The following GALNT16 variants were observed in gnomAD, a reference collection of about 807,000 sequenced individuals.
GALNT16 encodes polypeptide N-acetylgalactosaminyltransferase 16, also known as UDP-GalNAc:polypeptide N-acetylgalactosaminyltransferase-like protein 1.
In GALNT16, 40 loss-of-function variants were observed where a neutral mutation model predicts 76.1. The observed-to-expected ratio is 0.53, with a 90% confidence interval of 0.41 to 0.68. The LOEUF (loss-of-function observed/expected upper bound fraction) is 0.68. Among genes scored for constraint, GALNT16 ranks in the 30% least tolerant of loss-of-function variants. The pLI is 0.00. For missense variants in GALNT16, 621 were observed against 731.9 expected, an observed-to-expected ratio of 0.85 and a Z score of 1.75; for synonymous variants, 276 against 285.2, an observed-to-expected ratio of 0.97 and a Z score of 0.32.
chr14:69,338,981 G>C (rs1366335727), intron 10 of GALNT16, among the ~76,000 whole-genome samples: 1 of 151,942 alleles, frequency 6.6e-6, no homozygotes, highest in Admixed American at 6.5e-5. Context: ...CTCTTGCCTT[G>C]AGACTCATAT....
chr14:69,376,706 G>A, the GALNT16 span, among the ~76,000 whole-genome samples: 1 of 152,056 alleles, frequency 6.6e-6, no homozygotes, highest in South Asian at 2.1e-4. Context: ...TGTTCCTGAG[G>A]AAACACAATG....
At chr14:69,381,674 C>A in the GALNT16 span, among the ~76,000 whole-genome samples, 138 of 152,060 alleles carry the variant, frequency 9.1e-4, no homozygotes, top group African/African-American at 3.3e-3. Flanking sequence ...CCTCACTTCC[C>A]ACCACCCCCA....
At chr14:69,323,612 C>T (rs1327437404) in intron 2 of GALNT16, among the ~76,000 whole-genome samples, 1 of 152,178 alleles carries the variant, frequency 6.6e-6, no homozygotes, top group African/African-American at 2.4e-5. Flanking sequence ...AATTCATAGG[C>T]CCTTGAACAG....
intron 1 of GALNT16, among the ~76,000 whole-genome samples, chr14:69,290,774 C>T (rs1300022541): frequency 6.6e-6 from 1 of 152,066 alleles, no homozygotes; most frequent in Non-Finnish European, 1.5e-5. Flanking sequence ...ATGAGTGTGG[C>T]GAATGGAAAT....
chr14:69,367,837 T>G, the GALNT16 span, among the ~76,000 whole-genome samples: 1 of 151,466 alleles, frequency 6.6e-6, no homozygotes, highest in South Asian at 2.1e-4. Flanking sequence ...AAATAAAAAA[T>G]TAAATATTAG....
intron 1 of GALNT16, among the ~76,000 whole-genome samples, chr14:69,310,343 A>C (rs2044999345): frequency 6.6e-6 from 1 of 152,010 alleles, no homozygotes; most frequent in Non-Finnish European, 1.5e-5. Flanking sequence ...CTTCCAGCTG[A>C]ATCTCCCTTC....
intron 12 of GALNT16, 39 bp from the exon 13 acceptor site, chr14:69,347,001 G>T (rs200433944): frequency 1.4e-5 from 22 of 1,613,420 alleles, no homozygotes; most frequent in South Asian, 1.3e-4. Context: ...TAAGCCTTGG[G>T]GGGGAAAGCA....
intron 1 of GALNT16, among the ~76,000 whole-genome samples, chr14:69,279,211 C>T (rs759970005): frequency 2.2e-4 from 34 of 152,140 alleles, no homozygotes; most frequent in South Asian, 8.3e-4. Flanking sequence ...AGATTACAGG[C>T]GTGAGCCACC....
intron 2 of GALNT16, 75 bp downstream of exon 2, chr14:69,320,943 C>T (rs972243643): frequency 1.5e-5 from 21 of 1,377,682 alleles, no homozygotes; most frequent in African/African-American, 4.3e-5. Flanking sequence ...TCTTCTTTTA[C>T]GTGTATCTAA....
chr14:69,374,655 G>A, the GALNT16 span, among the ~76,000 whole-genome samples: 2 of 152,180 alleles, frequency 1.3e-5, no homozygotes, highest in African/African-American at 4.8e-5. Flanking sequence ...GGAATATCCC[G>A]AGGTTTTTAA....
In GALNT16 at chr14:69,327,572, G is replaced by A. The variant is rs75029679; in HGVS notation, c.569-878G>A. On this transcript the variant is annotated intron_variant, in intron 5 of 14. Coordinates refer to ENST00000448469, the MANE Select transcript of GALNT16 (RefSeq NM_001168368.2). Reference sequence around the variant, plus strand: ...TCGATGCTTTGTAGACACTTTTGGAGTGGAGATTGATGGGCTTTTGGCTGG... The same window carrying A: ...TCGATGCTTTGTAGACACTTTTGGAATGGAGATTGATGGGCTTTTGGCTGG... Among the ~76,000 whole-genome samples, 1,177 of 152,346 alleles carry A rather than the reference G, an allele frequency of 7.7e-3. 8 individuals carry two copies. Among genetic ancestry groups the A allele is most frequent in the Non-Finnish European group, 0.014 (919 of 68,018 alleles).
intron 1 of GALNT16, among the ~76,000 whole-genome samples, chr14:69,288,985 C>T (rs994792277): frequency 1.1e-4 from 16 of 152,142 alleles, no homozygotes; most frequent in African/African-American, 3.9e-4. Context: ...TCAAGTGATC[C>T]TCCTGCCTCA....
the GALNT16 span, among the ~76,000 whole-genome samples, chr14:69,371,038 A>G: frequency 6.6e-6 from 1 of 152,214 alleles, no homozygotes; most frequent in Admixed American, 6.5e-5. Context: ...TTTGGCCCTT[A>G]CCAAAGGGCC....
intron 1 of GALNT16, among the ~76,000 whole-genome samples, chr14:69,282,241 T>C (rs1281920966): frequency 6.6e-6 from 1 of 152,310 alleles, no homozygotes; most frequent in East Asian, 1.9e-4. Flanking sequence ...TTGTGTGGCG[T>C]TGGAGTGCAC....
rs149444837 is a variant in GALNT16 at position 69,340,729 on chromosome 14, G to A, written c.1188-952G>A. Among the ~76,000 whole-genome samples, 45 of 152,240 alleles carry A rather than the reference G, an allele frequency of 3.0e-4. No individual in the cohort carries two copies. In the East Asian group the frequency reaches 8.7e-3, roughly 29 times the overall value. On this transcript the variant is annotated intron_variant, in intron 11 of 14. Transcript: ENST00000448469. ...TCGAACTCCTGATCTCAAGCGATCT[G>A]CATATCTTGGCCTCCCAAAGTACTG...
At chr14:69,346,816 G>C (rs1373665626) in intron 12 of GALNT16, among the ~76,000 whole-genome samples, 1 of 152,124 alleles carries the variant, frequency 6.6e-6, no homozygotes, top group Non-Finnish European at 1.5e-5. Flanking sequence ...AGCCTCCAGG[G>C]CAGAGGGTCC....
chr14:69,270,301 C>T (rs779599007), intron 1 of GALNT16, among the ~76,000 whole-genome samples: 3 of 152,138 alleles, frequency 2.0e-5, no homozygotes, highest in Non-Finnish European at 4.4e-5. Flanking sequence ...AGGAGGCAGA[C>T]GGCTCTGCCC....
intron 1 of GALNT16, among the ~76,000 whole-genome samples, chr14:69,296,392 A>G (rs2044759977): frequency 1.3e-5 from 2 of 152,200 alleles, no homozygotes; most frequent in Non-Finnish European, 2.9e-5. Context: ...ATATGCAAGA[A>G]AATATAAATA....
chr14:69,328,859 G>A lies in GALNT16; in HGVS notation c.690+288G>A, dbSNP rs141929284. On this transcript the variant is annotated intron_variant, in intron 6 of 14. Coordinates refer to ENST00000448469, the MANE Select transcript of GALNT16 (RefSeq NM_001168368.2). ...TGTTGTTTTTCTCCTTGGAGAGTTA[G>A]GATCCTGTGCTGGGAGAGCTTTTGT... Among the ~76,000 whole-genome samples the A allele has an allele frequency of 2.6e-3, 395 of 152,290 alleles. 9 individuals carry two copies. Among genetic ancestry groups the A allele is most frequent in the East Asian group, 0.023 (120 of 5,174 alleles).
Sources: allele counts gnomAD v4.1 joint callset (sites outside exome capture counted in the v4.1 genomes callset), GRCh38; gene constraint gnomAD v4.1.1; transcripts MANE v1.5; gene names NCBI Gene and HGNC (gene_info 2026-07-23, HGNC 2026-07-21).